Variants in ZNF662 observed in about 807,000 individuals in gnomAD.
ZNF662 encodes the protein zinc finger protein 662.
Under a neutral mutation model 12.4 loss-of-function variants are expected in ZNF662, and 14 were observed. The ratio of observed to expected loss-of-function variants is 1.13; its 90% CI spans 0.75 to 1.77. ZNF662 has a LOEUF of 1.77. Among genes scored for constraint, ZNF662 ranks in the 40% most tolerant of loss-of-function variants. The probability of loss-of-function intolerance (pLI) is 0.00; values close to 1 mark genes in which losing one functional copy is unlikely to be tolerated. For synonymous variants in ZNF662, 184 were observed against 176.4 expected, an observed-to-expected ratio of 1.04 and a Z score of -0.34; for missense variants, 550 against 515.6, an observed-to-expected ratio of 1.07 and a Z score of -0.65.
intron 2 of ZNF662, chr3:42,908,359 G>C: frequency 7.4e-7 from 1 of 1,353,160 alleles, no homozygotes; most frequent in Non-Finnish European, 9.5e-7. Flanking sequence ...TCCAGAGTGA[G>C]AGGTGCCAAA....
intron 3 of ZNF662, among the ~76,000 whole-genome samples, chr3:42,912,344 ATC>A (rs1195404624): frequency 9.3e-6 from 1 of 107,338 alleles, no homozygotes; most frequent in Non-Finnish European, 1.7e-5. Flanking sequence ...TATGATATAT[ATC>A]ATATATAATT....
chr3:42,916,393 C>G lies in ZNF662; in HGVS notation c.*1039C>G, dbSNP rs1389516941. The stretch of plus-strand genomic sequence containing the variant: ...TTTTTTTTTTTTTTTTAGACAGAGT[C>G]TCACTCTGTTGCTCTGGCTGGAGTG... On this transcript the variant is annotated 3_prime_UTR_variant, in exon 5 of 5. Transcript: ENST00000440367. 5 of 125,654 alleles carry G rather than the reference C, an allele frequency of 4.0e-5. No homozygotes were observed. Among genetic ancestry groups the G allele is most frequent in the Non-Finnish European group, 6.3e-5 (4 of 63,350 alleles). 7.8% of individuals were successfully genotyped at this position (125,654 alleles called of 1,614,324 possible). A position where few individuals can be genotyped will look rare whatever the true frequency, so the allele number is the denominator to read the frequency against.
At position 42,917,329 on chromosome 3, in the gene ZNF662, C is replaced by G. The variant is rs570308199; in HGVS notation, c.*1975C>G. The G allele has an allele frequency of 4.4e-4, 262 of 597,580 alleles. 1 individual carries two copies. In the African/African-American group the frequency reaches 4.4e-3, roughly 10 times the overall value. 37.0% of individuals were successfully genotyped at this position (597,580 alleles called of 1,614,324 possible). On this transcript the variant is annotated 3_prime_UTR_variant, in exon 5 of 5. Transcript: ENST00000440367. Reference sequence around the variant, plus strand: ...GTGATATGAGGAGATACTGGCTCTTCTGGAAAAGAGAGGCTTTTCTTCATC... The same window carrying G: ...GTGATATGAGGAGATACTGGCTCTTGTGGAAAAGAGAGGCTTTTCTTCATC...
chr3:42,915,074 G>A lies in ZNF662; in HGVS notation c.1001G>A (p.Cys334Tyr). ...CACACTGGGGAGAAGCCTTACGAAT[G>A]TAAGGACTGTGGGAAGGGCTTCATG... ...RMHTGEKPYECKDCGKGFMWN... is the reference protein window; with the variant it reads ...RMHTGEKPYEYKDCGKGFMWN... Residue 334 changes from cysteine (C) to tyrosine (Y), a missense_variant, in exon 5 of 5, where the codon TGT (cysteine) becomes TAT (tyrosine). By Grantham distance (194) the Cys-to-Tyr change is radical (BLOSUM62 -2). Coordinates refer to ENST00000440367, the MANE Select transcript of ZNF662 (RefSeq NM_207404.4). The A allele has an allele frequency of 6.2e-7, 1 of 1,614,206 alleles. No homozygotes were observed. The highest frequency in any genetic ancestry group is 1.1e-5 in the South Asian group (1 of 91,086).
intron 3 of ZNF662, among the ~76,000 whole-genome samples, chr3:42,911,807 G>T (rs1273170358): frequency 1.3e-5 from 2 of 152,190 alleles, no homozygotes; most frequent in African/African-American, 2.4e-5. Context: ...ATGGCTGAGT[G>T]AGGGTGTGAG....
intron 3 of ZNF662, among the ~76,000 whole-genome samples, chr3:42,909,753 G>C (rs942642046): frequency 6.7e-6 from 1 of 148,770 alleles, no homozygotes; most frequent in Non-Finnish European, 1.5e-5. Flanking sequence ...CATCTCAGAC[G>C]GGGCGGCCAG....
chr3:42,908,679 T>A, intron 2 of ZNF662, 114 bp from the exon 3 acceptor site: 1 of 1,474,004 alleles, frequency 6.8e-7, no homozygotes, highest in South Asian at 1.4e-5. Flanking sequence ...TTGTTCTTCC[T>A]AGTTATTTCC....
chr3:42,917,547 G>C lies in ZNF662; in HGVS notation c.*2193G>C. 1.4e-6 allele frequency: 1 copy of C among 702,862 alleles called. No individual in the cohort carries two copies. The highest frequency in any genetic ancestry group is 1.5e-5 in the South Asian group (1 of 67,586). The allele number at this position is 702,862 out of a possible 1,614,324, so 43.5% of individuals were successfully genotyped here. On this transcript the variant is annotated 3_prime_UTR_variant, in exon 5 of 5. Coordinates refer to ENST00000440367, the MANE Select transcript of ZNF662 (RefSeq NM_207404.4). ...TAAACAGAGAGAAACTAGGTCCTTG[G>C]TGACATCTTTTGAGCCACTAGACCA...
intron 3 of ZNF662, among the ~76,000 whole-genome samples, chr3:42,910,413 A>T (rs1314483393): frequency 6.6e-6 from 1 of 152,036 alleles, no homozygotes; most frequent in Non-Finnish European, 1.5e-5. Context: ...TGTTTTATTC[A>T]TCCTGGCTCC....
rs1405248688 is a variant in ZNF662, at chr3:42,914,863, A to G, written c.790A>G (p.Ile264Val). ...AKAFVWKSNL[I>V]RHQRIHTGEK... ...GGCCTTTGTTTGGAAGTCAAACCTG[A>G]TTCGTCACCAGAGAATACATACTGG... Residue 264 changes from isoleucine to valine, a missense_variant, in exon 5 of 5, where the codon ATT (isoleucine) becomes GTT (valine). Coordinates refer to ENST00000440367, the MANE Select transcript of ZNF662 (RefSeq NM_207404.4). 3 of 1,614,096 alleles carry G rather than the reference A, an allele frequency of 1.9e-6. No homozygotes were observed. The highest frequency in any genetic ancestry group is 1.7e-5 in the Admixed American group (1 of 60,014).
chr3:42,913,155 C>T, intron 3 of ZNF662, 46 bp from the exon 4 acceptor site: 1 of 1,411,094 alleles, frequency 7.1e-7, no homozygotes, highest in Non-Finnish European at 1.0e-6. Flanking sequence ...TGATGGGCCT[C>T]ACTCTTCTGA....
rs2088884778 is a variant in ZNF662 at position 42,915,200 on chromosome 3, T to C, written c.1127T>C (p.Ile376Thr). The change falls in exon 5 of 5, where the codon ATT becomes ACT. Residue 376 changes from isoleucine to threonine, a missense_variant. Physicochemically the swap from Ile to Thr is moderately conservative, Grantham distance 89. Coordinates refer to ENST00000440367, the MANE Select transcript of ZNF662 (RefSeq NM_207404.4). The part of the protein sequence containing the change: ...GKSFFCKAHL[I>T]RHQRIHTGER... ...AGCTTCTTTTGCAAGGCACATCTTA[T>C]TCGACATCAAAGAATCCATACTGGG... 1.2e-6 allele frequency: 2 copies of C among 1,614,052 alleles called. No homozygotes were observed. Among genetic ancestry groups the C allele is most frequent in the East Asian group, 2.2e-5 (1 of 44,844 alleles).
Position 42,914,801 on chromosome 3 carries a change from G to T in ZNF662, c.728G>T (p.Ser243Ile). 6.2e-7 allele frequency: 1 copy of T among 1,613,792 alleles called. No individual in the cohort carries two copies. The highest frequency in any genetic ancestry group is 8.5e-7 in the Non-Finnish European group (1 of 1,179,924). Reference protein sequence around the residue: ...SHCIAHQRIHSGVKPYECQEC... With the variant: ...SHCIAHQRIHIGVKPYECQEC... ...TGCATTGCACATCAGAGAATTCACA[G>T]TGGGGTGAAACCCTATGAATGTCAA... The change falls in exon 5 of 5, where the codon AGT (serine) becomes ATT (isoleucine). Residue 243 changes from serine (S) to isoleucine (I), a missense_variant. Physicochemically the swap from Ser to Ile is moderately radical, Grantham distance 142. Transcript: ENST00000440367.
Position 42,914,420 on chromosome 3 carries a change from A to G in ZNF662, c.347A>G (p.Gln116Arg), listed in dbSNP as rs755737911. 1.2e-6 allele frequency: 2 copies of G among 1,614,024 alleles called. No homozygotes were observed. The highest frequency in any genetic ancestry group is 2.2e-5 in the South Asian group (2 of 91,072). Residue 116 changes from glutamine (Q) to arginine (R), a missense_variant, in exon 5 of 5, where the codon CAG becomes CGG. Transcript: ENST00000440367. The stretch of plus-strand genomic sequence containing the variant: ...CTCATGGTCCTATCAAGTGGACCCC[A>G]GTGGTGTGGATCCCAGGAATTATGG... ...QDLMVLSSGP[Q>R]WCGSQELWFG...
At position 42,917,158 on chromosome 3, in the gene ZNF662, T is replaced by C. The variant is rs1276137262; in HGVS notation, c.*1804T>C. The C allele has an allele frequency of 1.0e-5, 3 of 286,860 alleles. No homozygotes were observed. The highest frequency in any genetic ancestry group is 1.9e-5 in the Non-Finnish European group (3 of 157,134). The allele number at this position is 286,860 out of a possible 1,614,324, so 17.8% of individuals were successfully genotyped here. A position where few individuals can be genotyped will look rare whatever the true frequency, so the allele number is the denominator to read the frequency against. Reference sequence around the variant, plus strand: ...TATTGGTTTCCATCATCTCTTCCCCTTCTCTCTGGGAACAGTTACCCGGGT... The same window carrying C: ...TATTGGTTTCCATCATCTCTTCCCCCTCTCTCTGGGAACAGTTACCCGGGT... On this transcript the variant is annotated 3_prime_UTR_variant, in exon 5 of 5. Coordinates refer to ENST00000440367, the MANE Select transcript of ZNF662 (RefSeq NM_207404.4).
chr3:42,914,698 C>A lies in ZNF662; in HGVS notation c.625C>A (p.Gln209Lys), dbSNP rs1337268144. 2.5e-6 allele frequency: 4 copies of A among 1,614,030 alleles called. No homozygotes were observed. The highest frequency in any genetic ancestry group is 1.3e-5 in the African/African-American group (1 of 74,906). ...KCFDQNEDFDQHQKTHNGEKV... is the reference protein window; with the variant it reads ...KCFDQNEDFDKHQKTHNGEKV... ...TTTTGATCAAAATGAGGACTTTGAT[C>A]AACACCAGAAAACTCATAATGGAGA... The change falls in exon 5 of 5, where the codon CAA becomes AAA. Residue 209 changes from glutamine (Q) to lysine (K), a missense_variant. Transcript: ENST00000440367.
rs2088895536 is a variant in ZNF662 at position 42,916,230 on chromosome 3, C to T, written c.*876C>T. The stretch of plus-strand genomic sequence containing the variant: ...AGTATTGCTTTTCATAATTCTGTCT[C>T]ACTGAAAACCTTATTTGATGGAAGC... On this transcript the variant is annotated 3_prime_UTR_variant, in exon 5 of 5. Coordinates refer to ENST00000440367, the MANE Select transcript of ZNF662 (RefSeq NM_207404.4). 1 of 152,106 alleles carries T rather than the reference C, an allele frequency of 6.6e-6. No individual in the cohort carries two copies. The highest frequency in any genetic ancestry group is 1.5e-5 in the Non-Finnish European group (1 of 68,022). 9.4% of individuals were successfully genotyped at this position (152,106 alleles called of 1,614,324 possible). A position where few individuals can be genotyped will look rare whatever the true frequency, so the allele number is the denominator to read the frequency against.
At chr3:42,909,212 G>A (rs546700283) in intron 3 of ZNF662, among the ~76,000 whole-genome samples, 131 of 151,826 alleles carry the variant, frequency 8.6e-4, no homozygotes, top group African/African-American at 2.7e-3. Context: ...GGGCCCTGCC[G>A]CCTTCCGTAG....
intron 2 of ZNF662, chr3:42,908,426 T>G: frequency 7.9e-7 from 1 of 1,270,120 alleles, no homozygotes; most frequent in Non-Finnish European, 9.9e-7. Context: ...GGTGCTCCAC[T>G]GAGCCTTCAG....
Sources: gnomAD v4.1 joint callset for allele counts (sites outside exome capture counted in the v4.1 genomes callset) on GRCh38, gnomAD v4.1.1 for gene constraint, MANE v1.5 for transcripts, NCBI Gene and HGNC (gene_info 2026-07-23, HGNC 2026-07-21) for gene names.